HTR7: variants seen among roughly 807,000 people sequenced by gnomAD.
HTR7 encodes 5-HT-7.
Under a neutral mutation model 34.0 loss-of-function variants are expected in HTR7, and 16 were observed. The observed-to-expected ratio is 0.47, with a 90% CI of 0.32 to 0.71. HTR7 has a LOEUF of 0.71. HTR7 is among the 30% of genes least tolerant of loss of function. The pLI, the probability that HTR7 is intolerant of heterozygous loss-of-function variation, is 0.04. For missense variants in HTR7, 504 were observed against 625.5 expected, an observed-to-expected ratio of 0.81 and a Z score of 2.07; for synonymous variants, 265 against 260.2, an observed-to-expected ratio of 1.02 and a Z score of -0.18.
chr10:90,815,815 G>C (rs989440404), intron 1 of HTR7, among the ~76,000 whole-genome samples: 1 of 152,220 alleles, frequency 6.6e-6, no homozygotes, highest in Non-Finnish European at 1.5e-5. Flanking sequence ...TAGAATGCTG[G>C]TGGGAACAAA....
Position 90,749,676 on chromosome 10 carries a change from G to A in HTR7, c.540-82C>T. On this transcript the variant is annotated intron_variant, in intron 1 of 3. Transcript: ENST00000336152. This position sits in a 1 kb window ranked among gnomAD's most constrained non-coding sequence, Gnocchi z 4.2. Reference sequence around the variant, plus strand: ...AGCAAGTCCTGCCAGCCAGGTACCAGCGCCAGTCCTCGCAACAGCCCTTCT... The same window carrying A: ...AGCAAGTCCTGCCAGCCAGGTACCAACGCCAGTCCTCGCAACAGCCCTTCT... 1 of 1,360,136 alleles carries A rather than the reference G, an allele frequency of 7.4e-7. No individual in the cohort carries two copies. The highest frequency in any genetic ancestry group is 1.0e-6 in the Non-Finnish European group (1 of 991,792). The allele number at this position is 1,360,136 out of a possible 1,614,324, so 84.3% of individuals were successfully genotyped here.
At chr10:90,840,162 T>TTCTCTC (rs753030195) in intron 1 of HTR7, among the ~76,000 whole-genome samples, 40 of 138,850 alleles carry the variant, frequency 2.9e-4, no homozygotes, top group South Asian at 1.4e-3. Flanking sequence ...CTCCATCTGT[T>TTCTCTC]TCTCTCTCTC....
At chr10:90,827,059 G>GT (rs1846089277) in intron 1 of HTR7, among the ~76,000 whole-genome samples, 1 of 151,438 alleles carries the variant, frequency 6.6e-6, no homozygotes, top group Non-Finnish European at 1.5e-5. Flanking sequence ...CCACAAATAT[G>GT]CAAAAAATAA....
intron 1 of HTR7, among the ~76,000 whole-genome samples, chr10:90,848,069 CTTTTTT>C (rs61675028): frequency 8.9e-6 from 1 of 112,092 alleles, no homozygotes; most frequent in Non-Finnish European, 1.7e-5. Context: ...TCTCTTTGTT[CTTTTTT>C]TTTTTTTTTT....
intron 1 of HTR7, among the ~76,000 whole-genome samples, chr10:90,825,285 A>G (rs780619326): frequency 6.6e-6 from 1 of 152,138 alleles, no homozygotes; most frequent in Admixed American, 6.5e-5. Context: ...ATACCTCTAC[A>G]AGGCTGCCGC....
At chr10:90,806,768 G>A (rs544655034) in intron 1 of HTR7, among the ~76,000 whole-genome samples, 26 of 152,264 alleles carry the variant, frequency 1.7e-4, no homozygotes, top group Non-Finnish European at 3.1e-4. Context: ...TCAATCCCTT[G>A]GTTATTGTTA....
At chr10:90,801,685 C>G (rs1278303511) in intron 1 of HTR7, among the ~76,000 whole-genome samples, 1 of 152,136 alleles carries the variant, frequency 6.6e-6, no homozygotes, top group Non-Finnish European at 1.5e-5. Flanking sequence ...CAGTAGGATC[C>G]CCAAAATCAC....
At position 90,857,046 on chromosome 10, in the gene HTR7, T is replaced by C; in HGVS notation, c.539+87A>G. 7.9e-7 allele frequency: 1 copy of C among 1,260,448 alleles called. No individual in the cohort carries two copies. The highest frequency in any genetic ancestry group is 2.6e-5 in the East Asian group (1 of 39,148). 78.1% of individuals were successfully genotyped at this position (1,260,448 alleles called of 1,614,324 possible). A position where few individuals can be genotyped will look rare whatever the true frequency, so the allele number is the denominator to read the frequency against. Reference sequence around the variant, plus strand: ...CTTCATCCCGCCTTGAAGTCTAGCTTGATCCTCCCAGGAAAGGCGAGCGCG... The same window carrying C: ...CTTCATCCCGCCTTGAAGTCTAGCTCGATCCTCCCAGGAAAGGCGAGCGCG... On this transcript the variant is annotated intron_variant, in intron 1 of 3. Coordinates refer to ENST00000336152, the MANE Select transcript of HTR7 (RefSeq NM_019859.4). The surrounding 1 kb of genome is among the most constrained non-coding windows in gnomAD (Gnocchi z 6.5).
intron 1 of HTR7, among the ~76,000 whole-genome samples, chr10:90,764,171 T>C (rs1226478619): frequency 6.6e-6 from 1 of 152,220 alleles, no homozygotes; most frequent in African/African-American, 2.4e-5. Context: ...GGAGATGGTA[T>C]CTCATTGTGG....
intron 1 of HTR7, among the ~76,000 whole-genome samples, chr10:90,753,106 T>C (rs979539980): frequency 1.3e-5 from 2 of 152,172 alleles, no homozygotes; most frequent in Admixed American, 6.5e-5. Flanking sequence ...AATATCACAA[T>C]ATTCACAGAT....
intron 1 of HTR7, among the ~76,000 whole-genome samples, chr10:90,851,422 A>T (rs898881469): frequency 4.6e-5 from 7 of 151,650 alleles, no homozygotes; most frequent in African/African-American, 9.7e-5. Context: ...CTGGCTAACA[A>T]GGTGAAACCC....
chr10:90,828,156 C>T (rs1314931259), intron 1 of HTR7, among the ~76,000 whole-genome samples: 1 of 151,890 alleles, frequency 6.6e-6, no homozygotes, highest in Non-Finnish European at 1.5e-5. Flanking sequence ...AAAAATTTAT[C>T]GAAACAAATG....
intron 1 of HTR7, among the ~76,000 whole-genome samples, chr10:90,826,268 A>C (rs998662183): frequency 6.6e-6 from 1 of 152,174 alleles, no homozygotes; most frequent in East Asian, 1.9e-4. Flanking sequence ...TCCTTCAAAC[A>C]TGAAGGAGAA....
chr10:90,855,522 G>C (rs566281678), intron 1 of HTR7, among the ~76,000 whole-genome samples: 1 of 152,212 alleles, frequency 6.6e-6, no homozygotes, highest in Non-Finnish European at 1.5e-5. Context: ...ATTACACTAA[G>C]TTCCATTTAA....
intron 1 of HTR7, among the ~76,000 whole-genome samples, chr10:90,828,103 C>A (rs1846108683): frequency 6.6e-6 from 1 of 152,106 alleles, no homozygotes; most frequent in African/African-American, 2.4e-5. Flanking sequence ...ATAATACACT[C>A]CTGAATGACC....
intron 1 of HTR7, among the ~76,000 whole-genome samples, chr10:90,843,832 T>C (rs1030269741): frequency 1.3e-5 from 2 of 152,330 alleles, no homozygotes; most frequent in Non-Finnish European, 1.5e-5. Flanking sequence ...TGTTTTTGTA[T>C]GGCCCCCAGC....
chr10:90,743,671 C>A lies in HTR7; in HGVS notation c.1315G>T (p.Val439Leu), dbSNP rs771605032. 24 of 1,613,662 alleles carry A rather than the reference C, an allele frequency of 1.5e-5. No homozygotes were observed. Among genetic ancestry groups the A allele is most frequent in the Non-Finnish European group, 1.9e-5 (23 of 1,179,742 alleles). ...EFVLRACTRRVLLRPEKRPPV... is the reference protein window; with the variant it reads ...EFVLRACTRRLLLRPEKRPPV... ...GGCCTCTTTTCTGGTCTCAACAGCA[C>A]CCTCCTTGTGCAGGCCCTCCTGCAA... Residue 439 changes from valine (V) to leucine (L), a missense_variant, in exon 3 of 4, where the codon GTG becomes TTG. By Grantham distance (32) the Val-to-Leu change is conservative. Transcript: ENST00000336152.
At chr10:90,813,563 G>T (rs1845852392) in intron 1 of HTR7, among the ~76,000 whole-genome samples, 1 of 151,964 alleles carries the variant, frequency 6.6e-6, no homozygotes, top group Admixed American at 6.6e-5. Flanking sequence ...GAGGGTTCGG[G>T]AGTCCTTGGT....
intron 1 of HTR7, among the ~76,000 whole-genome samples, chr10:90,763,180 G>C (rs1302779616): frequency 6.6e-6 from 1 of 152,130 alleles, no homozygotes; most frequent in Non-Finnish European, 1.5e-5. Context: ...AATGCCATTG[G>C]AATTTTGATA....
Sources: allele counts gnomAD v4.1 joint callset (sites outside exome capture counted in the v4.1 genomes callset), GRCh38; gene constraint gnomAD v4.1.1; non-coding constraint Gnocchi (gnomAD v3.1); transcripts MANE v1.5; gene names NCBI Gene and HGNC (gene_info 2026-07-23, HGNC 2026-07-21).